The following CRTAC1 variants were observed in gnomAD, a reference collection of about 807,000 sequenced individuals.
CRTAC1 encodes cartilage acidic protein 1, also known as acidic secreted protein in cartilage.
CRTAC1 carries 37 observed loss-of-function variants against 67.8 expected under a neutral mutation model. That is an observed-to-expected ratio of 0.55 (90% CI 0.42 to 0.72). The LOEUF (loss-of-function observed/expected upper bound fraction) is 0.72, where lower values mean the gene tolerates loss of function less well. CRTAC1 is among the 30% of genes least tolerant of loss of function. The pLI is 0.00. For synonymous variants in CRTAC1, 348 were observed against 371.0 expected (o/e 0.94, Z 0.71); for missense variants, 780 against 931.6 (o/e 0.84, Z 2.12).
At chr10:97,874,444 C>T (rs1056434452) in intron 14 of CRTAC1, among the ~76,000 whole-genome samples, 4 of 152,172 alleles carry the variant, frequency 2.6e-5, no homozygotes, top group Non-Finnish European at 4.4e-5. Context: ...ACAGCCCAGG[C>T]CCCAGGAAGG....
chr10:98,028,744 C>T (rs186658460), intron 1 of CRTAC1, among the ~76,000 whole-genome samples: 3 of 152,314 alleles, frequency 2.0e-5, no homozygotes, highest in Admixed American at 2.0e-4. Context: ...AAAATGTTGA[C>T]TGCAGCAGAC....
At chr10:97,865,890 C>G (rs927132266) in intron 14 of CRTAC1, 176 bp from the exon 15 acceptor site, 56 of 942,150 alleles carry the variant, frequency 5.9e-5, no homozygotes, top group Non-Finnish European at 7.9e-5. Context: ...TCCCTCACCC[C>G]CGTCTGGATC....
At chr10:97,974,532 T>C (rs1590254056) in intron 2 of CRTAC1, among the ~76,000 whole-genome samples, 1 of 152,244 alleles carries the variant, frequency 6.6e-6, no homozygotes, top group East Asian at 1.9e-4. Context: ...CCCAATATCC[T>C]CAAAAATAAA....
intron 3 of CRTAC1, among the ~76,000 whole-genome samples, chr10:97,934,174 T>C (rs1432934173): frequency 6.6e-6 from 1 of 152,196 alleles, no homozygotes; most frequent in African/African-American, 2.4e-5. Flanking sequence ...GGAGACTTCC[T>C]GGGGACTCAC....
intron 11 of CRTAC1, among the ~76,000 whole-genome samples, chr10:97,887,462 C>T (rs1006504523): frequency 6.6e-6 from 1 of 152,064 alleles, no homozygotes; most frequent in African/African-American, 2.4e-5. Context: ...AGGCTGGTCT[C>T]GAACTCCTGA....
chr10:97,915,649 A>T (rs974612222), intron 5 of CRTAC1, among the ~76,000 whole-genome samples: 1 of 149,884 alleles, frequency 6.7e-6, no homozygotes, highest in Non-Finnish European at 1.5e-5. Flanking sequence ...ACTCCGGGCT[A>T]GTTTTCCAGC....
chr10:97,907,031 C>T (rs1423519320), intron 6 of CRTAC1, among the ~76,000 whole-genome samples: 1 of 152,104 alleles, frequency 6.6e-6, no homozygotes, highest in African/African-American at 2.4e-5. Context: ...TTGGCAAGGT[C>T]GGGGGAAATG....
At chr10:97,923,084 A>C (rs2050863436) in intron 4 of CRTAC1, among the ~76,000 whole-genome samples, 180 bp downstream of exon 4, 1 of 152,134 alleles carries the variant, frequency 6.6e-6, no homozygotes, top group Non-Finnish European at 1.5e-5. Context: ...GCTGCATGGG[A>C]GACAGGATGT....
At chr10:98,004,042 G>A (rs1842740388) in intron 2 of CRTAC1, among the ~76,000 whole-genome samples, 1 of 152,182 alleles carries the variant, frequency 6.6e-6, no homozygotes, top group African/African-American at 2.4e-5. Context: ...CCTGGCCCCT[G>A]ATCCAATTAA....
intron 2 of CRTAC1, among the ~76,000 whole-genome samples, chr10:97,953,920 G>A (rs985267737): frequency 9.9e-5 from 15 of 152,064 alleles, no homozygotes; most frequent in Non-Finnish European, 1.8e-4. Flanking sequence ...GATACTCCTC[G>A]GCAGGTGTGA....
At chr10:98,024,340 G>A (rs1843181873) in intron 1 of CRTAC1, among the ~76,000 whole-genome samples, 1 of 152,210 alleles carries the variant, frequency 6.6e-6, no homozygotes, top group Admixed American at 6.5e-5. Flanking sequence ...ATGTCCCTTG[G>A]AAGAGCTCTT....
chr10:98,012,145 T>A (rs916009108), intron 1 of CRTAC1, among the ~76,000 whole-genome samples: 2 of 152,206 alleles, frequency 1.3e-5, no homozygotes, highest in African/African-American at 4.8e-5. Flanking sequence ...AATTAAACCA[T>A]TGCGTGCGTG....
At chr10:97,897,045 AGAAGG>A in intron 8 of CRTAC1, 54 bp from the exon 9 acceptor site, 1 of 1,336,326 alleles carries the variant, frequency 7.5e-7, no homozygotes, top group African/African-American at 1.5e-5. Flanking sequence ...CCGCTGGACC[AGAAGG>A]CCCACCTGCT....
At chr10:97,896,303 A>G (rs1402260382) in intron 9 of CRTAC1, among the ~76,000 whole-genome samples, 1 of 150,732 alleles carries the variant, frequency 6.6e-6, no homozygotes, top group East Asian at 1.9e-4. Flanking sequence ...TTATATTTGC[A>G]CAGGTTTTTT....
chr10:97,935,271 AG>A (rs1408127097), intron 3 of CRTAC1, among the ~76,000 whole-genome samples: 1 of 152,194 alleles, frequency 6.6e-6, no homozygotes, highest in Non-Finnish European at 1.5e-5. Flanking sequence ...GAGGTGTGTG[AG>A]GCCTAAATGA....
chr10:97,889,455 G>GA (rs1564879435), intron 11 of CRTAC1, among the ~76,000 whole-genome samples: 1 of 140,772 alleles, frequency 7.1e-6, no homozygotes, highest in Non-Finnish European at 1.6e-5. Flanking sequence ...GAACTTGGTG[G>GA]GGGGGGGTCC....
At chr10:97,920,067 A>G (rs1166941495) in intron 4 of CRTAC1, among the ~76,000 whole-genome samples, 1 of 152,160 alleles carries the variant, frequency 6.6e-6, no homozygotes, top group Non-Finnish European at 1.5e-5. Context: ...CTTCTTGATT[A>G]GGGGAGAACT....
chr10:97,915,547 G>A (rs529628195), intron 5 of CRTAC1, among the ~76,000 whole-genome samples: 4 of 152,122 alleles, frequency 2.6e-5, no homozygotes, highest in Non-Finnish European at 5.9e-5. Flanking sequence ...GCTGAGCGCT[G>A]GCCACGCGCC....
intron 1 of CRTAC1, among the ~76,000 whole-genome samples, chr10:98,028,235 A>T (rs1843280351): frequency 1.3e-5 from 2 of 152,338 alleles, no homozygotes; most frequent in South Asian, 4.1e-4. Flanking sequence ...CATGTGGTAG[A>T]AGGATTCCAA....
Sources: gnomAD v4.1 joint callset for allele counts (sites outside exome capture counted in the v4.1 genomes callset) on GRCh38, gnomAD v4.1.1 for gene constraint, MANE v1.5 for transcripts, NCBI Gene and HGNC (gene_info 2026-07-23, HGNC 2026-07-21) for gene names.